The following KEAP1 variants were observed in gnomAD, a reference collection of about 807,000 sequenced individuals.
KEAP1 encodes the protein kelch-like ECH-associated protein 1.
Under a neutral mutation model 59.7 loss-of-function variants are expected in KEAP1, and 26 were observed. That is an observed-to-expected ratio of 0.44 (90% confidence interval 0.32 to 0.60). The LOEUF (loss-of-function observed/expected upper bound fraction) is 0.60. KEAP1 is among the 20% of genes least tolerant of loss of function. The pLI is 0.06. For missense variants in KEAP1, 539 were observed against 871.4 expected, an observed-to-expected ratio of 0.62 and a Z score of 4.80; for synonymous variants, 350 against 358.3, an observed-to-expected ratio of 0.98 and a Z score of 0.26.
At position 10,491,802 on chromosome 19, in the gene KEAP1, C is replaced by T. The variant is rs2144599109; in HGVS notation, c.1100G>A (p.Gly367Asp). The T allele has an allele frequency of 6.3e-7, 1 of 1,593,254 alleles. No homozygotes were observed. Among genetic ancestry groups the T allele is most frequent in the Non-Finnish European group, 8.5e-7 (1 of 1,170,266 alleles). ...GTACAACAGCCCGCCCACCACGCAG[C>T]CGGCCAGGCCGCTCCGCGGCACCTG... ...DLQVPRSGLA[G>D]CVVGGLLYAV... Residue 367 changes from glycine to aspartate, a missense_variant, in exon 3 of 6, where the codon GGC becomes GAC. Physicochemically the swap from Gly to Asp is moderately conservative, Grantham distance 94. This residue lies in a region of KEAP1 where 311 missense variants were observed against 425.2 expected (regional missense o/e 0.73). Transcript: ENST00000171111. This position sits in a 1 kb window ranked among gnomAD's most constrained non-coding sequence, Gnocchi z 5.2.
chr19:10,489,775 G>A lies in KEAP1; in HGVS notation c.1404C>T (p.Leu468=), dbSNP rs2144590580. ...TRRIGVGVAV[L]NRLLYAVGGF... ...CCCCCACGGCATAAAGGAGACGATT[G>A]AGGACAGCCACGCCCACCCCGATCC... The change falls in exon 4 of 6, where the codon CTC becomes CTT. Residue 468 remains leucine (L), a synonymous_variant. Transcript: ENST00000171111. The A allele has an allele frequency of 6.2e-7, 1 of 1,614,078 alleles. No homozygotes were observed. Among genetic ancestry groups the A allele is most frequent in the Non-Finnish European group, 8.5e-7 (1 of 1,180,028 alleles).
intron 4 of KEAP1, 117 bp from the exon 5 acceptor site, chr19:10,489,485 A>G: frequency 7.9e-7 from 1 of 1,266,620 alleles, no homozygotes; most frequent in East Asian, 2.5e-5. Context: ...TCAGAAATGA[A>G]GCGGGGAGAG....
At position 10,499,758 on chromosome 19, in the gene KEAP1, C is replaced by T. The variant is rs1568401709; in HGVS notation, c.276G>A (p.Gln92=). ...CCAGCACCACCTTGTGGGCCATGAA[C>T]TGGGCGGCCGGTGCATCCTGGTACT... ...QVKYQDAPAA[Q]FMAHKVVLAS... Residue 92 remains glutamine, a synonymous_variant, in exon 2 of 6, where the codon CAG becomes CAA. Transcript: ENST00000171111. This position sits in a 1 kb window ranked among gnomAD's most constrained non-coding sequence, Gnocchi z 6.7. The T allele has an allele frequency of 6.2e-7, 1 of 1,614,150 alleles. No individual in the cohort carries two copies. Among genetic ancestry groups the T allele is most frequent in the East Asian group, 2.2e-5 (1 of 44,880 alleles).
intron 1 of KEAP1, among the ~76,000 whole-genome samples, chr19:10,500,681 C>CT (rs539575991): frequency 0.033 from 4,254 of 128,640 alleles, 98 homozygotes; most frequent in Non-Finnish European, 0.045. Context: ...AGTTTGTTTG[C>CT]TTTTTTTTTT....
In KEAP1 at chr19:10,500,009, C is replaced by T. The variant is rs187892356; in HGVS notation, c.25G>A (p.Gly9Arg). 1.9e-4 allele frequency: 292 copies of T among 1,564,784 alleles called. 2 individuals are homozygous for T. In the East Asian group the frequency reaches 5.7e-3, roughly 30 times the overall value. The change falls in exon 2 of 6, where the codon GGG (glycine) becomes AGG (arginine). Residue 9 changes from glycine to arginine, a missense_variant. Coordinates refer to ENST00000171111, the MANE Select transcript of KEAP1 (RefSeq NM_203500.2). ...AGGAATCGGCAGCAGGCCCCAGCCC[C>T]GCTAGGCCTGGGATCTGGCTGCATG... MQPDPRPSGAGACCRFLPL... is the reference protein window; with the variant it reads MQPDPRPSRAGACCRFLPL...
At chr19:10,501,392 G>A (rs1414206622) in intron 1 of KEAP1, among the ~76,000 whole-genome samples, 2 of 151,896 alleles carry the variant, frequency 1.3e-5, no homozygotes, top group Non-Finnish European at 2.9e-5. Context: ...CACTTTGGGA[G>A]GCCGAGGCAG....
intron 1 of KEAP1, among the ~76,000 whole-genome samples, chr19:10,500,782 C>A (rs139437835): frequency 0.011 from 1,662 of 150,288 alleles, 20 homozygotes; most frequent in South Asian, 0.022. Flanking sequence ...CGGGTTCAAG[C>A]GATCCTCCTG....
chr19:10,499,316 C>T lies in KEAP1; in HGVS notation c.639+79G>A. 7.7e-7 allele frequency: 1 copy of T among 1,305,950 alleles called. No homozygotes were observed. The highest frequency in any genetic ancestry group is 1.0e-6 in the Non-Finnish European group (1 of 955,352). The allele number at this position is 1,305,950 out of a possible 1,614,324, so 80.9% of individuals were successfully genotyped here. A position where few individuals can be genotyped will look rare whatever the true frequency, so the allele number is the denominator to read the frequency against. ...TCTCCAGTTTCCTGCCTTGACATCT[C>T]AAGGGGAGACAGTGATGAGCACTCG... On this transcript the variant is annotated intron_variant, in intron 2 of 5. Transcript: ENST00000171111. The surrounding 1 kb of genome is among the most constrained non-coding windows in gnomAD (Gnocchi z 6.7).
chr19:10,497,072 C>T (rs1189656793), intron 2 of KEAP1, among the ~76,000 whole-genome samples: 1 of 150,720 alleles, frequency 6.6e-6, no homozygotes, highest in African/African-American at 2.4e-5. Context: ...TGCAGTGAGC[C>T]GATACAGTGC....
intron 3 of KEAP1, among the ~76,000 whole-genome samples, 173 bp from the exon 4 acceptor site, chr19:10,490,026 C>T (rs542180549): frequency 1.9e-4 from 29 of 151,444 alleles, no homozygotes; most frequent in African/African-American, 6.0e-4. Context: ...CCGAGGAGGG[C>T]GGATCACCTG....
chr19:10,496,528 G>A (rs1345749733), intron 2 of KEAP1, among the ~76,000 whole-genome samples: 1 of 150,882 alleles, frequency 6.6e-6, no homozygotes, highest in South Asian at 2.1e-4. Context: ...GGGGCTTGGC[G>A]TGGTGGCTCA....
chr19:10,498,528 A>C (rs778334065), intron 2 of KEAP1, among the ~76,000 whole-genome samples: 2 of 152,068 alleles, frequency 1.3e-5, no homozygotes, highest in Non-Finnish European at 2.9e-5. Flanking sequence ...ATTTCTATAG[A>C]TAATTTCCTT....
intron 5 of KEAP1, among the ~76,000 whole-genome samples, chr19:10,487,899 C>G (rs760264476): frequency 6.6e-6 from 1 of 151,794 alleles, no homozygotes; most frequent in African/African-American, 2.4e-5. Context: ...GAGGCCGAGG[C>G]GGGCAGATCA....
At position 10,492,176 on chromosome 19, in the gene KEAP1, C is replaced by T. The variant is rs1323491784; in HGVS notation, c.726G>A (p.Glu242=). 1.2e-6 allele frequency: 2 copies of T among 1,614,020 alleles called. No individual in the cohort carries two copies. Among genetic ancestry groups the T allele is most frequent in the Admixed American group, 3.3e-5 (2 of 59,996 alleles). ...TGATGCAGGCGTGGAAGACCTCGGA[C>T]TCGCAGCGCACGTTCAGGTCGTCCC... ...ISRDDLNVRC[E]SEVFHACINW... is the part of the protein sequence containing the mutation. Residue 242 remains glutamate (E), a synonymous_variant, in exon 3 of 6, where the codon GAG becomes GAA. Coordinates refer to ENST00000171111, the MANE Select transcript of KEAP1 (RefSeq NM_203500.2).
intron 2 of KEAP1, among the ~76,000 whole-genome samples, chr19:10,493,309 C>G (rs1045164532): frequency 6.6e-6 from 1 of 151,732 alleles, no homozygotes; most frequent in Non-Finnish European, 1.5e-5. Context: ...CAGGCGCCCG[C>G]GACCACGCCC....
rs550406085 is a variant in KEAP1, at chr19:10,486,457, G to A, written c.*195C>T. 9.5e-6 allele frequency: 6 copies of A among 631,984 alleles called. No homozygotes were observed. Among genetic ancestry groups the A allele is most frequent in the South Asian group, 1.8e-5 (1 of 54,334 alleles). 39.1% of individuals were successfully genotyped at this position (631,984 alleles called of 1,614,324 possible). A position where few individuals can be genotyped will look rare whatever the true frequency, so the allele number is the denominator to read the frequency against. On this transcript the variant is annotated 3_prime_UTR_variant, in exon 6 of 6. Transcript: ENST00000171111. The stretch of plus-strand genomic sequence containing the variant: ...CAGCCAGGCTGTCTTGGACACTCCC[G>A]GGGCTCCGCTGAGGGGCACATGATT...
At chr19:10,494,654 T>C (rs946818547) in intron 2 of KEAP1, among the ~76,000 whole-genome samples, 28 of 110,914 alleles carry the variant, frequency 2.5e-4, no homozygotes, top group African/African-American at 1.1e-3. Context: ...TTTCTGTTTG[T>C]TTCTTTTTTT....
In KEAP1 at chr19:10,486,507, G is replaced by T; in HGVS notation, c.*145C>A. ...TCCCGCTTTGGACTTCTTTTGAGAT[G>T]TCATTTTAACACTGAGGCATCCTGG... On this transcript the variant is annotated 3_prime_UTR_variant, in exon 6 of 6. Transcript: ENST00000171111. The T allele has an allele frequency of 1.2e-6, 1 of 819,782 alleles. No homozygotes were observed. Among genetic ancestry groups the T allele is most frequent in the East Asian group, 2.5e-5 (1 of 40,432 alleles). 50.8% of individuals were successfully genotyped at this position (819,782 alleles called of 1,614,324 possible). A position where few individuals can be genotyped will look rare whatever the true frequency, so the allele number is the denominator to read the frequency against.
In KEAP1 at chr19:10,486,255, C is replaced by A. The variant is rs545635723; in HGVS notation, c.*397G>T. 2 of 250,510 alleles carry A rather than the reference C, an allele frequency of 8.0e-6. No individual in the cohort carries two copies. The highest frequency in any genetic ancestry group is 5.9e-5 in the East Asian group (1 of 17,004). The allele number at this position is 250,510 out of a possible 1,614,324, so 15.5% of individuals were successfully genotyped here. ...CTATGTACAGGCCCATCCCTGGGAACCACATTTCCAGAGGGGGCCTCCCCC... is the reference window on the plus strand; with the variant it reads ...CTATGTACAGGCCCATCCCTGGGAAACACATTTCCAGAGGGGGCCTCCCCC... On this transcript the variant is annotated 3_prime_UTR_variant, in exon 6 of 6. Coordinates refer to ENST00000171111, the MANE Select transcript of KEAP1 (RefSeq NM_203500.2).
Sources: allele counts gnomAD v4.1 joint callset (sites outside exome capture counted in the v4.1 genomes callset), GRCh38; gene constraint gnomAD v4.1.1; regional missense constraint gnomAD v4.1.1; non-coding constraint Gnocchi (gnomAD v3.1); transcripts MANE v1.5; gene names NCBI Gene and HGNC (gene_info 2026-07-23, HGNC 2026-07-21).